LAMA2: variants seen among roughly 807,000 people sequenced by gnomAD.
The protein encoded by LAMA2 is laminin subunit alpha 2.
Under a neutral mutation model 364.8 loss-of-function variants are expected in LAMA2, and 269 were observed. That is an observed-to-expected ratio of 0.74 (90% CI 0.67 to 0.82). The LOEUF is 0.82. Among genes scored for constraint, LAMA2 ranks in the 40% least tolerant of loss-of-function variants. The probability of loss-of-function intolerance (pLI) is 0.00; values close to 1 mark genes in which losing one functional copy is unlikely to be tolerated. For missense variants in LAMA2, 3,807 were observed against 3,873.2 expected (o/e 0.98, Z 0.45); for synonymous variants, 1,379 against 1,370.6 (o/e 1.01, Z -0.14).
At chr6:129,106,368 T>C (rs1417485582) in intron 4 of LAMA2, among the ~76,000 whole-genome samples, 2 of 152,114 alleles carry the variant, frequency 1.3e-5, no homozygotes, top group Non-Finnish European at 2.9e-5. Context: ...TATAACATTG[T>C]TAAGGTTATA....
At chr6:129,283,746 A>C (rs1006295748) in intron 18 of LAMA2, among the ~76,000 whole-genome samples, 6 of 151,458 alleles carry the variant, frequency 4.0e-5, no homozygotes, top group Non-Finnish European at 7.4e-5. Context: ...TCTGCTTCAG[A>C]ATGTCTGAAT....
At chr6:129,050,844 G>A (rs969537032) in intron 2 of LAMA2, among the ~76,000 whole-genome samples, 1 of 152,032 alleles carries the variant, frequency 6.6e-6, no homozygotes, top group African/African-American at 2.4e-5. Context: ...TTAGGGAGAG[G>A]CACCATGTAA....
At chr6:129,014,044 G>A (rs1364097549) in intron 1 of LAMA2, among the ~76,000 whole-genome samples, 1 of 152,166 alleles carries the variant, frequency 6.6e-6, no homozygotes, top group Non-Finnish European at 1.5e-5. Flanking sequence ...ATCAAGGATA[G>A]ATTCTAGATT....
intron 1 of LAMA2, among the ~76,000 whole-genome samples, chr6:128,883,888 G>A (rs74669643): frequency 0.068 from 10,164 of 150,496 alleles, 1,026 homozygotes; most frequent in African/African-American, 0.22. Context: ...TTTAAAACAG[G>A]ATTTCTAAAG....
intron 56 of LAMA2, chr6:129,490,865 T>C (rs1456080151): frequency 6.6e-6 from 1 of 152,202 alleles, no homozygotes; most frequent in African/African-American, 2.4e-5. Flanking sequence ...CCCTTAACAG[T>C]GACGTTTTTG....
At chr6:129,357,325 C>T (rs1050537250) in intron 32 of LAMA2, among the ~76,000 whole-genome samples, 1 of 152,030 alleles carries the variant, frequency 6.6e-6, no homozygotes, top group African/African-American at 2.4e-5. Flanking sequence ...AAATGTATTA[C>T]TCTCCTAGAG....
At chr6:129,371,247 A>ATGTGTGTG (rs66522065) in intron 34 of LAMA2, among the ~76,000 whole-genome samples, 12 of 148,388 alleles carry the variant, frequency 8.1e-5, no homozygotes, top group African/African-American at 3.0e-4. Context: ...GAACTTTGAG[A>ATGTGTGTG]TGTGTGTGTG....
intron 1 of LAMA2, among the ~76,000 whole-genome samples, chr6:128,939,939 A>G (rs1296927603): frequency 1.3e-5 from 2 of 152,076 alleles, no homozygotes; most frequent in East Asian, 3.9e-4. Flanking sequence ...TGATCCCTTC[A>G]CGGCATCCAG....
At chr6:129,425,429 T>A (rs536442025) in intron 40 of LAMA2, among the ~76,000 whole-genome samples, 3 of 152,184 alleles carry the variant, frequency 2.0e-5, no homozygotes, top group East Asian at 3.9e-4. Context: ...TACTTTTTTT[T>A]AATTTTTGAA....
At chr6:128,983,786 T>G (rs1016270108) in intron 1 of LAMA2, among the ~76,000 whole-genome samples, 20 of 152,256 alleles carry the variant, frequency 1.3e-4, no homozygotes, top group Admixed American at 9.8e-4. Context: ...GTAAAGTGAT[T>G]TAGAAAACTA....
chr6:129,209,322 G>C (rs1782929271), intron 12 of LAMA2, among the ~76,000 whole-genome samples: 1 of 152,196 alleles, frequency 6.6e-6, no homozygotes, highest in Admixed American at 6.5e-5. Flanking sequence ...CCTAGAAAAT[G>C]ATAGAGCAAT....
At chr6:129,010,242 A>G (rs1328416368) in intron 1 of LAMA2, among the ~76,000 whole-genome samples, 1 of 152,212 alleles carries the variant, frequency 6.6e-6, no homozygotes, top group Non-Finnish European at 1.5e-5. Flanking sequence ...AATCTGGGTA[A>G]TGATCATACA....
intron 1 of LAMA2, among the ~76,000 whole-genome samples, chr6:128,950,934 A>C (rs1476389681): frequency 6.6e-6 from 1 of 152,162 alleles, no homozygotes; most frequent in Non-Finnish European, 1.5e-5. Flanking sequence ...GTTTATCTGA[A>C]ACATTCAAAT....
At chr6:129,100,345 C>T (rs183296197) in intron 4 of LAMA2, among the ~76,000 whole-genome samples, 61 of 152,220 alleles carry the variant, frequency 4.0e-4, no homozygotes, top group Non-Finnish European at 7.6e-4. Context: ...TGACATGTTT[C>T]CTTACGTCTA....
chr6:129,080,018 T>G (rs2114836853), intron 3 of LAMA2, among the ~76,000 whole-genome samples: 1 of 152,238 alleles, frequency 6.6e-6, no homozygotes, highest in South Asian at 2.1e-4. Flanking sequence ...TTTTATAATT[T>G]AAATGTAACA....
chr6:128,929,429 T>C, intron 1 of LAMA2: 1 of 859,870 alleles, frequency 1.2e-6, no homozygotes, highest in Non-Finnish European at 2.0e-6. Context: ...GAGTAGCTTT[T>C]GGAGAAGGAG....
At chr6:128,957,413 A>G (rs9321141) in intron 1 of LAMA2, among the ~76,000 whole-genome samples, 3,615 of 152,220 alleles carry the variant, frequency 0.024, 128 homozygotes, top group African/African-American at 0.083. Context: ...ACATCATTCT[A>G]TCAATTTCAA....
At chr6:129,422,400 T>A (rs112543321) in intron 40 of LAMA2, among the ~76,000 whole-genome samples, 39 of 152,206 alleles carry the variant, frequency 2.6e-4, no homozygotes, top group African/African-American at 8.7e-4. Flanking sequence ...GTCAGGGCTG[T>A]CATGTTTCTG....
At chr6:129,349,629 T>G (rs1303060201) in intron 31 of LAMA2, among the ~76,000 whole-genome samples, 1 of 151,170 alleles carries the variant, frequency 6.6e-6, no homozygotes, top group Non-Finnish European at 1.5e-5. Context: ...TAACTTATGC[T>G]TTAGTATATA....
Sources: gnomAD v4.1 joint callset for allele counts (sites outside exome capture counted in the v4.1 genomes callset) on GRCh38, gnomAD v4.1.1 for gene constraint, MANE v1.5 for transcripts, NCBI Gene and HGNC (gene_info 2026-07-23, HGNC 2026-07-21) for gene names.